Variants in TBXAS1 observed in about 807,000 individuals in gnomAD.
The protein encoded by TBXAS1 is thromboxane A synthase 1, also known as thromboxane-A synthase.
A neutral mutation model predicts 60.7 loss-of-function variants in TBXAS1; 48 were observed. The observed-to-expected ratio is 0.79, with a 90% CI of 0.63 to 1.01. The LOEUF is 1.01. TBXAS1 is among the 50% of genes least tolerant of loss of function. The pLI, the probability that TBXAS1 is intolerant of heterozygous loss-of-function variation, is 0.00. For missense variants in TBXAS1, 685 were observed against 686.3 expected (o/e 1.00, Z 0.02); for synonymous variants, 287 against 269.7 (o/e 1.06, Z -0.63).
intron 9 of TBXAS1, among the ~76,000 whole-genome samples, chr7:139,987,938 G>A (rs1015560349): frequency 3.9e-5 from 6 of 152,196 alleles, no homozygotes; most frequent in Admixed American, 2.0e-4. Flanking sequence ...ACAAAAGAAC[G>A]GAACTCCACC....
chr7:139,819,114 T>C (rs80157825), intron 4 of TBXAS1, among the ~76,000 whole-genome samples: 34,585 of 152,160 alleles, frequency 0.23, 4,770 homozygotes, highest in African/African-American at 0.38. Context: ...CTATATGCTT[T>C]CCAAACCTCT....
At chr7:139,932,410 A>C (rs1000137069) in intron 4 of TBXAS1, among the ~76,000 whole-genome samples, 6 of 152,056 alleles carry the variant, frequency 3.9e-5, no homozygotes, top group Non-Finnish European at 8.8e-5. Context: ...TGTGGAGCTC[A>C]TCGCTCAAGG....
At chr7:139,815,027 A>C (rs1345506415) in intron 4 of TBXAS1, among the ~76,000 whole-genome samples, 2 of 152,244 alleles carry the variant, frequency 1.3e-5, no homozygotes, top group Admixed American at 1.3e-4. Context: ...CTCCAACCCC[A>C]GCTGTGAGCT....
intron 3 of TBXAS1, among the ~76,000 whole-genome samples, chr7:139,898,247 T>G (rs1804263271): frequency 2.0e-5 from 3 of 152,166 alleles, no homozygotes; most frequent in Non-Finnish European, 4.4e-5. Flanking sequence ...AAGGTCAGAC[T>G]TGAGGGTAGG....
intron 4 of TBXAS1, among the ~76,000 whole-genome samples, chr7:139,927,236 G>A (rs1042487632): frequency 6.6e-6 from 1 of 150,748 alleles, no homozygotes; most frequent in African/African-American, 2.5e-5. Flanking sequence ...GGCCTCAAGT[G>A]CTCTGCCTGC....
intron 9 of TBXAS1, among the ~76,000 whole-genome samples, chr7:139,991,054 C>T (rs1031432166): frequency 9.2e-5 from 14 of 152,168 alleles, no homozygotes; most frequent in Non-Finnish European, 1.5e-4. Flanking sequence ...GCCACTGCCA[C>T]GATCTATGGG....
At chr7:139,875,033 T>C (rs1037510038) in intron 2 of TBXAS1, among the ~76,000 whole-genome samples, 6 of 152,142 alleles carry the variant, frequency 3.9e-5, no homozygotes, top group African/African-American at 1.4e-4. Context: ...AGGTGGAGGT[T>C]GCAACGAGCT....
intron 4 of TBXAS1, among the ~76,000 whole-genome samples, chr7:139,921,984 A>G (rs969420259): frequency 6.6e-6 from 1 of 152,038 alleles, no homozygotes; most frequent in Admixed American, 6.6e-5. Context: ...CAGCACTTTC[A>G]TCTTGCCATT....
chr7:139,886,386 ATTTTTTTTTT>A (rs8192818), intron 3 of TBXAS1, among the ~76,000 whole-genome samples: 34 of 99,644 alleles, frequency 3.4e-4, no homozygotes, highest in African/African-American at 1.1e-3. Context: ...TTGCAGATGA[ATTTTTTTTTT>A]TTTTTTTTTT....
intron 9 of TBXAS1, among the ~76,000 whole-genome samples, chr7:140,000,931 C>A (rs1318954814): frequency 6.6e-6 from 1 of 152,224 alleles, no homozygotes; most frequent in Non-Finnish European, 1.5e-5. Context: ...CCAAAGACTT[C>A]CACCTTCATC....
chr7:139,800,649 G>A (rs1029968727), intron 4 of TBXAS1, among the ~76,000 whole-genome samples: 3 of 152,046 alleles, frequency 2.0e-5, no homozygotes, highest in Non-Finnish European at 4.4e-5. Context: ...GTTAACCATC[G>A]TTTCTCCAGC....
chr7:139,818,874 C>T (rs1798221004), intron 4 of TBXAS1, among the ~76,000 whole-genome samples: 1 of 152,194 alleles, frequency 6.6e-6, no homozygotes, highest in Non-Finnish European at 1.5e-5. Context: ...CTGGTAGCAA[C>T]TCAGCCTCCT....
At chr7:139,876,512 C>A (rs538731340) in intron 3 of TBXAS1, among the ~76,000 whole-genome samples, 17 of 152,198 alleles carry the variant, frequency 1.1e-4, no homozygotes, top group African/African-American at 3.9e-4. Context: ...CATTAAAGTT[C>A]TCCTGTGTTG....
intron 3 of TBXAS1, among the ~76,000 whole-genome samples, chr7:139,908,543 A>G (rs1000583613): frequency 3.9e-5 from 6 of 152,158 alleles, no homozygotes; most frequent in East Asian, 1.9e-4. Flanking sequence ...ATCACAATCT[A>G]TGAGTATGAA....
At chr7:139,984,945 G>GAAAGA (rs1554503466) in intron 9 of TBXAS1, among the ~76,000 whole-genome samples, 2 of 61,860 alleles carry the variant, frequency 3.2e-5, no homozygotes, top group Non-Finnish European at 2.9e-5. Flanking sequence ...AGAAAGAAAA[G>GAAAGA]AAAAGAAAGA....
intron 4 of TBXAS1, chr7:139,797,328 C>T (rs945351120): frequency 6.6e-6 from 1 of 152,164 alleles, no homozygotes; most frequent in African/African-American, 2.4e-5. Flanking sequence ...GGAAAGAACA[C>T]AGTTGGGTGG....
chr7:139,799,199 G>C (rs1326053329), intron 4 of TBXAS1, among the ~76,000 whole-genome samples: 1 of 150,036 alleles, frequency 6.7e-6, no homozygotes, highest in Non-Finnish European at 1.5e-5. Context: ...CTCCCGAGAA[G>C]CTGACACCAC....
At chr7:139,869,544 C>T (rs1193525039) in intron 1 of TBXAS1, among the ~76,000 whole-genome samples, 1 of 152,078 alleles carries the variant, frequency 6.6e-6, no homozygotes, top group South Asian at 2.1e-4. Context: ...TGCAACACTA[C>T]CCCTGGCTAT....
intron 5 of TBXAS1, among the ~76,000 whole-genome samples, chr7:139,949,656 G>A (rs1809038969): frequency 6.6e-6 from 1 of 152,176 alleles, no homozygotes; most frequent in Non-Finnish European, 1.5e-5. Flanking sequence ...TAGTCATGAA[G>A]CATCAACACA....
Sources: allele counts gnomAD v4.1 joint callset (sites outside exome capture counted in the v4.1 genomes callset), GRCh38; gene constraint gnomAD v4.1.1; transcripts MANE v1.5; gene names NCBI Gene and HGNC (gene_info 2026-07-23, HGNC 2026-07-21).